The following IZUMO4 variants were observed in gnomAD, a reference collection of about 807,000 sequenced individuals.
IZUMO4 encodes the protein izumo sperm-egg fusion protein 4.
IZUMO4 carries 51 observed loss-of-function variants against 37.1 expected under a neutral mutation model. That is an observed-to-expected ratio of 1.38 (90% CI 1.10 to 1.74). The LOEUF (loss-of-function observed/expected upper bound fraction) is 1.74. Among genes scored for constraint, IZUMO4 ranks in the 40% most tolerant of loss-of-function variants. The pLI is 0.00. For synonymous variants in IZUMO4, 162 were observed against 121.4 expected (o/e 1.33, Z -2.20); for missense variants, 364 against 299.6 (o/e 1.21, Z -1.59).
At chr19:2,098,881 C>A (rs943606740) in intron 8 of IZUMO4, 77 bp downstream of exon 8, 18 of 1,573,062 alleles carry the variant, frequency 1.1e-5, no homozygotes, top group Non-Finnish European at 1.6e-5. Flanking sequence ...TCCTCTAGAT[C>A]AGTGGGGGCA....
intron 3 of IZUMO4, 177 bp from the exon 4 acceptor site, chr19:2,097,752 C>T: frequency 1.3e-6 from 1 of 784,070 alleles, no homozygotes; most frequent in Non-Finnish European, 2.1e-6. Context: ...CCATCTCACG[C>T]TGGGGGTCAA....
intron 3 of IZUMO4, 121 bp from the exon 4 acceptor site, chr19:2,097,808 A>C: frequency 7.8e-7 from 1 of 1,281,592 alleles, no homozygotes; most frequent in Non-Finnish European, 1.1e-6. Context: ...ATACATGAAA[A>C]CCAGGTGAGC....
chr19:2,097,552 G>A (rs754130728), intron 3 of IZUMO4, 57 bp downstream of exon 3: 13 of 1,471,822 alleles, frequency 8.8e-6, no homozygotes, highest in Non-Finnish European at 1.9e-6. Flanking sequence ...GGAGACCCAC[G>A]GGGCTTGGCT....
chr19:2,097,708 G>T (rs2017750593), intron 3 of IZUMO4: 1 of 686,106 alleles, frequency 1.5e-6, no homozygotes, highest in Non-Finnish European at 2.5e-6. Flanking sequence ...AGAGGCGCTG[G>T]GAGTGTTGCC....
chr19:2,099,222 A>T (rs1407687324), intron 9 of IZUMO4, 33 bp from the exon 10 acceptor site: 1 of 1,582,458 alleles, frequency 6.3e-7, no homozygotes, highest in Admixed American at 1.7e-5. Context: ...GGTGGGGGAC[A>T]TGGAGAGCTG....
intron 8 of IZUMO4, 26 bp from the exon 9 acceptor site, chr19:2,098,950 C>G: frequency 6.2e-7 from 1 of 1,612,390 alleles, no homozygotes; most frequent in Non-Finnish European, 8.5e-7. Flanking sequence ...TCTGCAACCA[C>G]ACCCATGTGG....
At chr19:2,098,855 G>A in intron 8 of IZUMO4, 51 bp downstream of exon 8, 1 of 1,565,020 alleles carries the variant, frequency 6.4e-7, no homozygotes, top group East Asian at 2.2e-5. Flanking sequence ...AGGGAGAGAG[G>A]AGGGGGGCTA....
At position 2,098,268 on chromosome 19, in the gene IZUMO4, C is replaced by T. The variant is rs779438546; in HGVS notation, c.474-19C>T. 7 of 1,613,558 alleles carry T rather than the reference C, an allele frequency of 4.3e-6. No individual in the cohort carries two copies. In the Admixed American group the frequency reaches 5.0e-5, roughly 12 times the overall value. On this transcript the variant is annotated intron_variant, in intron 5 of 9. Transcript: ENST00000395301. ...CCGTGGGTTCAGGGGCGCACCACTT[C>T]CAAGCCTGTGTCCCACAGGTCCTCG...
At chr19:2,098,005 G>A (rs949417920) in intron 4 of IZUMO4, 47 bp from the exon 5 acceptor site, 1 of 1,613,010 alleles carries the variant, frequency 6.2e-7, no homozygotes, top group African/African-American at 1.3e-5. Context: ...GCAGCTCGGG[G>A]CCCTGGAGGC....
intron 7 of IZUMO4, 75 bp from the exon 8 acceptor site, chr19:2,098,712 C>T (rs1398476239): frequency 5.0e-6 from 8 of 1,588,360 alleles, no homozygotes; most frequent in African/African-American, 1.4e-5. Flanking sequence ...GGTCTGTGGT[C>T]AGAGCCTGGG....
Position 2,099,453 on chromosome 19 carries a change from A to G in IZUMO4, c.*108A>G. 1 of 475,802 alleles carries G rather than the reference A, an allele frequency of 2.1e-6. No individual in the cohort carries two copies. Among genetic ancestry groups the G allele is most frequent in the Non-Finnish European group, 3.8e-6 (1 of 261,044 alleles). The allele number at this position is 475,802 out of a possible 1,614,324, so 29.5% of individuals were successfully genotyped here. ...CTGCTGCCTCAGGACCCCCTCTCCG[A>G]CCCCGGACAGAGCTGAGCTGGCCAG... On this transcript the variant is annotated 3_prime_UTR_variant, in exon 10 of 10. Transcript: ENST00000395301.
intron 5 of IZUMO4, 43 bp downstream of exon 5, chr19:2,098,170 GT>G (rs1412546844): frequency 6.2e-7 from 1 of 1,611,522 alleles, no homozygotes; most frequent in South Asian, 1.1e-5. Context: ...GGGCCCTACT[GT>G]CCCTGGGGTC....
intron 7 of IZUMO4, 145 bp downstream of exon 7, chr19:2,098,595 C>G: frequency 6.3e-7 from 1 of 1,591,274 alleles, no homozygotes; most frequent in Non-Finnish European, 8.5e-7. Flanking sequence ...CAGCTCTGCG[C>G]AGGAGGCGGC....
rs2017803072 is a variant in IZUMO4, at chr19:2,098,773, A to C, written c.537-14A>C. The C allele has an allele frequency of 1.2e-6, 2 of 1,604,652 alleles. No individual in the cohort carries two copies. Among genetic ancestry groups the C allele is most frequent in the Non-Finnish European group, 1.7e-6 (2 of 1,176,346 alleles). On this transcript the variant is annotated splice_polypyrimidine_tract_variant and intron_variant, in intron 7 of 9. Transcript: ENST00000395301. ...GCCCCATGGAGGGGCTGACTGCCCC[A>C]CATTGCCTTTCAGACAGGACACGAG...
At position 2,098,864 on chromosome 19, in the gene IZUMO4, T is replaced by C. The variant is rs543566685; in HGVS notation, c.554+60T>C. 886 of 1,433,512 alleles carry C rather than the reference T, an allele frequency of 6.2e-4. 4 individuals are homozygous for C. The African/African-American group carries it at 0.011, about 18-fold the overall frequency. 88.8% of individuals were successfully genotyped at this position (1,433,512 alleles called of 1,614,324 possible). A position where few individuals can be genotyped will look rare whatever the true frequency, so the allele number is the denominator to read the frequency against. ...GGGTAAAGGGAGAGAGGAGGGGGGC[T>C]AGGGGGTCCTCTAGATCAGTGGGGG... On this transcript the variant is annotated intron_variant, in intron 8 of 9. Transcript: ENST00000395301.
chr19:2,097,532 C>G lies in IZUMO4; in HGVS notation c.370+37C>G, dbSNP rs373738278. 8.9e-6 allele frequency: 14 copies of G among 1,578,474 alleles called. No individual in the cohort carries two copies. The African/African-American group carries it at 1.9e-4, about 21-fold the overall frequency. ...AGGCTTCAGAGGAGGGAGGTGTTGC[C>G]CAGAGCCTCGGAGACCCACGGGGCT... is the stretch of plus-strand genomic sequence containing the variant. On this transcript the variant is annotated intron_variant, in intron 3 of 9. Transcript: ENST00000395301.
rs1387182217 is a variant in IZUMO4, at chr19:2,097,285, T to C, written c.251T>C (p.Val84Ala). Reference protein sequence around the residue: ...REKLDQVATAVYQMMDQLYQG... With the variant: ...REKLDQVATAAYQMMDQLYQG... ...AAGCTGGACCAAGTGGCGACAGCAG[T>C]GTACCAGATGATGGATCAGCTGTAC... Residue 84 changes from valine to alanine, a missense_variant, in exon 2 of 10, where the codon GTG becomes GCG. By Grantham distance (64) the Val-to-Ala change is moderately conservative. Transcript: ENST00000395301. The C allele has an allele frequency of 3.1e-6, 5 of 1,612,590 alleles. No individual in the cohort carries two copies. In the Admixed American group the frequency reaches 8.3e-5, roughly 27 times the overall value.
intron 7 of IZUMO4, 167 bp from the exon 8 acceptor site, chr19:2,098,620 C>T (rs1408875492): frequency 1.3e-6 from 2 of 1,570,382 alleles, no homozygotes; most frequent in African/African-American, 1.4e-5. Context: ...GTCCTTTTCT[C>T]CCTCAAAGGT....
chr19:2,097,650 G>C lies in IZUMO4; in HGVS notation c.370+155G>C. The stretch of plus-strand genomic sequence containing the variant: ...CAGGGAGGGACCCAGCCTAGCACCT[G>C]AAGGATCAATGCCATCACCCCGCGG... On this transcript the variant is annotated intron_variant, in intron 3 of 9. Coordinates refer to ENST00000395301, the MANE Select transcript of IZUMO4 (RefSeq NM_001039846.2). 3 of 781,822 alleles carry C rather than the reference G, an allele frequency of 3.8e-6. No individual in the cohort carries two copies. The African/African-American group carries it at 5.1e-5, about 13-fold the overall frequency. 48.4% of individuals were successfully genotyped at this position (781,822 alleles called of 1,614,324 possible). A position where few individuals can be genotyped will look rare whatever the true frequency, so the allele number is the denominator to read the frequency against.
Sources: allele counts gnomAD v4.1 joint callset, GRCh38; gene constraint gnomAD v4.1.1; transcripts MANE v1.5; gene names NCBI Gene and HGNC (gene_info 2026-07-23, HGNC 2026-07-21).